Variants in TLK1 observed in about 807,000 individuals in gnomAD.
The protein encoded by TLK1 is tousled like kinase 1.
Under a neutral mutation model 105.3 loss-of-function variants are expected in TLK1, and 24 were observed. The ratio of observed to expected loss-of-function variants is 0.23; its 90% CI spans 0.17 to 0.32. The LOEUF (loss-of-function observed/expected upper bound fraction) is 0.32, where lower values mean the gene tolerates loss of function less well. TLK1 is among the 10% of genes least tolerant of loss of function. The pLI is 1.00. For synonymous variants in TLK1, 321 were observed against 310.4 expected (o/e 1.03, Z -0.36); for missense variants, 558 against 910.5 (o/e 0.61, Z 4.98).
In TLK1 at chr2:170,991,420, T is replaced by C. The variant is rs143040586; in HGVS notation, c.*2360A>G. 2 of 152,368 alleles carry C rather than the reference T, an allele frequency of 1.3e-5. No homozygotes were observed. Among genetic ancestry groups the C allele is most frequent in the Non-Finnish European group, 2.9e-5 (2 of 68,036 alleles). 9.4% of individuals were successfully genotyped at this position (152,368 alleles called of 1,614,324 possible). On this transcript the variant is annotated 3_prime_UTR_variant, in exon 21 of 21. Coordinates refer to ENST00000431350, the MANE Select transcript of TLK1 (RefSeq NM_012290.5). Reference sequence around the variant, plus strand: ...AAATTAGCCATCTTGGTTAGCCATCTTGGACCTGCTGGGTCACTGGCATGT... The same window carrying C: ...AAATTAGCCATCTTGGTTAGCCATCCTGGACCTGCTGGGTCACTGGCATGT...
intron 12 of TLK1, among the ~76,000 whole-genome samples, chr2:171,025,819 T>G (rs1387657705): frequency 1.3e-5 from 2 of 152,210 alleles, no homozygotes; most frequent in Admixed American, 1.3e-4. Flanking sequence ...TTTTTAACTG[T>G]ATAACTCAAA....
At chr2:171,101,104 T>C (rs1290990936) in intron 2 of TLK1, among the ~76,000 whole-genome samples, 1 of 152,078 alleles carries the variant, frequency 6.6e-6, no homozygotes, top group Non-Finnish European at 1.5e-5. Flanking sequence ...TCCCAGCACT[T>C]TGGGAGGCCA....
chr2:171,213,912 A>G (rs1693666409), intron 1 of TLK1, among the ~76,000 whole-genome samples: 1 of 150,306 alleles, frequency 6.7e-6, no homozygotes. Flanking sequence ...TTTTTTTTAG[A>G]GAAGAGGTCT....
At chr2:171,155,730 G>C (rs1692207236) in intron 1 of TLK1, 1 of 152,028 alleles carries the variant, frequency 6.6e-6, no homozygotes, top group Non-Finnish European at 1.5e-5. Flanking sequence ...TCTTTCCATT[G>C]TTGTTAGCTG....
intron 11 of TLK1, among the ~76,000 whole-genome samples, chr2:171,036,147 A>C (rs917736192): frequency 9.2e-5 from 14 of 152,212 alleles, no homozygotes; most frequent in African/African-American, 3.1e-4. Context: ...GAATTTTAAG[A>C]AGCATAATTT....
At chr2:171,018,690 A>T (rs1685324861) in intron 12 of TLK1, among the ~76,000 whole-genome samples, 1 of 152,236 alleles carries the variant, frequency 6.6e-6, no homozygotes, top group Admixed American at 6.5e-5. Context: ...GAAAGGAGAC[A>T]ATCCAATCAG....
chr2:171,184,982 G>T (rs1207938616), intron 1 of TLK1, among the ~76,000 whole-genome samples: 1 of 151,930 alleles, frequency 6.6e-6, no homozygotes, highest in Non-Finnish European at 1.5e-5. Flanking sequence ...GGGACTACAG[G>T]TGCCCGCCAC....
At chr2:171,220,844 A>G (rs934413705) in intron 1 of TLK1, among the ~76,000 whole-genome samples, 1 of 152,118 alleles carries the variant, frequency 6.6e-6, no homozygotes, top group Non-Finnish European at 1.5e-5. Context: ...CTAAACAAAT[A>G]AACAAAACCT....
At chr2:171,175,113 GT>G (rs1692797025) in intron 1 of TLK1, among the ~76,000 whole-genome samples, 1 of 152,036 alleles carries the variant, frequency 6.6e-6, no homozygotes, top group African/African-American at 2.4e-5. Context: ...CAAGCCTGTA[GT>G]CCCATCTACT....
intron 12 of TLK1, among the ~76,000 whole-genome samples, chr2:171,015,510 T>G (rs1235007143): frequency 1.4e-5 from 2 of 142,708 alleles, no homozygotes; most frequent in Admixed American, 7.0e-5. Flanking sequence ...AACAAAAAAT[T>G]TATAGATTGC....
At chr2:171,064,903 A>T (rs887089684) in intron 3 of TLK1, among the ~76,000 whole-genome samples, 2 of 152,312 alleles carry the variant, frequency 1.3e-5, no homozygotes, top group Non-Finnish European at 2.9e-5. Flanking sequence ...ACAAAGACAA[A>T]TTTAAAGGAC....
At chr2:171,196,539 A>G (rs186808768) in intron 1 of TLK1, among the ~76,000 whole-genome samples, 23 of 152,316 alleles carry the variant, frequency 1.5e-4, no homozygotes, top group Middle Eastern at 3.4e-3. Flanking sequence ...AAAAATTGAC[A>G]TGGTTACTTG....
At chr2:171,087,052 CCTAAAACAAA>C (rs1445116629) in intron 2 of TLK1, among the ~76,000 whole-genome samples, 2 of 152,108 alleles carry the variant, frequency 1.3e-5, no homozygotes, top group South Asian at 2.1e-4. Flanking sequence ...TTAACTGCCT[CCTAAAACAAA>C]GAAAAACAAA....
intron 2 of TLK1, among the ~76,000 whole-genome samples, chr2:171,099,680 A>G (rs1212130911): frequency 1.3e-5 from 2 of 152,246 alleles, no homozygotes; most frequent in African/African-American, 4.8e-5. Context: ...AACAGAATTA[A>G]GAGTTCAGAA....
At chr2:171,059,913 C>T in intron 4 of TLK1, 1 of 1,341,222 alleles carries the variant, frequency 7.5e-7, no homozygotes, top group Non-Finnish European at 1.1e-6. Flanking sequence ...GCTCACTGGC[C>T]CGCTGCTCAC....
intron 1 of TLK1, among the ~76,000 whole-genome samples, chr2:171,139,608 A>C (rs1048784632): frequency 6.6e-6 from 1 of 151,966 alleles, no homozygotes; most frequent in African/African-American, 2.4e-5. Flanking sequence ...ACAAACAAAC[A>C]AACAACAACA....
Position 170,991,675 on chromosome 2 carries a change from T to C in TLK1, c.*2105A>G, listed in dbSNP as rs1683789562. 1 of 152,222 alleles carries C rather than the reference T, an allele frequency of 6.6e-6. No homozygotes were observed. Among genetic ancestry groups the C allele is most frequent in the African/African-American group, 2.4e-5 (1 of 41,464 alleles). The allele number at this position is 152,222 out of a possible 1,614,324, so 9.4% of individuals were successfully genotyped here. ...AAAGCAGTGATCTCTAGGTCTATAC[T>C]ACTTAACTTACTGAACCTCAAAGTT... is the stretch of plus-strand genomic sequence containing the variant. On this transcript the variant is annotated 3_prime_UTR_variant, in exon 21 of 21. Coordinates refer to ENST00000431350, the MANE Select transcript of TLK1 (RefSeq NM_012290.5).
intron 11 of TLK1, among the ~76,000 whole-genome samples, chr2:171,037,194 C>T (rs888417962): frequency 5.9e-5 from 9 of 151,938 alleles, no homozygotes; most frequent in African/African-American, 2.2e-4. Flanking sequence ...GTAATCCAAG[C>T]ACTTTGGGAG....
At chr2:171,008,389 T>C (rs898624693) in intron 14 of TLK1, among the ~76,000 whole-genome samples, 9 of 152,040 alleles carry the variant, frequency 5.9e-5, no homozygotes, top group African/African-American at 2.2e-4. Context: ...CTGAGAAGAA[T>C]AAAAATAAAG....
Sources: allele counts gnomAD v4.1 joint callset (sites outside exome capture counted in the v4.1 genomes callset), GRCh38; gene constraint gnomAD v4.1.1; transcripts MANE v1.5; gene names NCBI Gene and HGNC (gene_info 2026-07-23, HGNC 2026-07-21).